The following PLXNC1 variants were observed in gnomAD, a reference collection of about 807,000 sequenced individuals.
PLXNC1 encodes plexin-C1.
In PLXNC1, 75 loss-of-function variants were observed where a neutral mutation model predicts 178.2. That is an observed-to-expected ratio of 0.42 (90% confidence interval 0.35 to 0.51). The LOEUF (loss-of-function observed/expected upper bound fraction) is 0.51, where lower values mean the gene tolerates loss of function less well. Among genes scored for constraint, PLXNC1 ranks in the 20% least tolerant of loss-of-function variants. PLXNC1 has a pLI of 0.02. For missense variants in PLXNC1, 1,503 were observed against 1,984.4 expected (o/e 0.76, Z 4.61); for synonymous variants, 790 against 779.9 (o/e 1.01, Z -0.22).
At chr12:94,209,029 C>T (rs907097163) in intron 4 of PLXNC1, among the ~76,000 whole-genome samples, 5 of 152,212 alleles carry the variant, frequency 3.3e-5, no homozygotes, top group Admixed American at 2.6e-4. Context: ...TGGTATGTAG[C>T]AGATGGTTAT....
chr12:94,231,324 A>G (rs1347559413), intron 9 of PLXNC1, among the ~76,000 whole-genome samples: 1 of 152,142 alleles, frequency 6.6e-6, no homozygotes, highest in Non-Finnish European at 1.5e-5. Context: ...ATTCCAGGAC[A>G]CACGCTAGAG....
At position 94,149,992 on chromosome 12, in the gene PLXNC1, A is replaced by G; in HGVS notation, c.1021A>G (p.Lys341Glu). 1 of 1,596,404 alleles carries G rather than the reference A, an allele frequency of 6.3e-7. No homozygotes were observed. Among genetic ancestry groups the G allele is most frequent in the Non-Finnish European group, 8.5e-7 (1 of 1,172,792 alleles). Residue 341 changes from lysine to glutamate, a missense_variant, in exon 1 of 31, where the codon AAG becomes GAG. Coordinates refer to ENST00000258526, the MANE Select transcript of PLXNC1 (RefSeq NM_005761.3). ...FRMSEIQARA[K>E]RVSWDFKTAE... is the part of the protein sequence containing the mutation. ...AATGAGTGAGATCCAGGCGCGCGCC[A>G]AGAGGGTCAGCTGGGACTTCAAGAC...
In PLXNC1 at chr12:94,186,370, T is replaced by A; in HGVS notation, c.1339-3T>A. On this transcript the variant is annotated splice_region_variant and splice_polypyrimidine_tract_variant and intron_variant, in intron 3 of 30. Coordinates refer to ENST00000258526, the MANE Select transcript of PLXNC1 (RefSeq NM_005761.3). ...TCTGAACCATTGTCCTCTTTCCTTT[T>A]AGGTGAGGAGAATTCGTGTTGCAAA... is the stretch of plus-strand genomic sequence containing the variant. 6.2e-7 allele frequency: 1 copy of A among 1,601,316 alleles called. No homozygotes were observed. The highest frequency in any genetic ancestry group is 8.6e-7 in the Non-Finnish European group (1 of 1,168,298).
At position 94,149,788 on chromosome 12, in the gene PLXNC1, GT is replaced by G; in HGVS notation, c.818del (p.Val273GlyfsTer27). The G allele has an allele frequency of 6.2e-7, 1 of 1,607,712 alleles. No individual in the cohort carries two copies. The highest frequency in any genetic ancestry group is 8.5e-7 in the Non-Finnish European group (1 of 1,178,804). On this transcript the variant is annotated frameshift_variant, in exon 1 of 31. Transcript: ENST00000258526. LOFTEE classifies it high-confidence loss of function. ...GGCGCGCATCGCGCAGAGCACCGAG[GT>G]GCTGTTCCAGGGCCAGGCATCCCTC... ...SMARIAQSTE[V>X]LFQGQASLDC... is the part of the protein sequence containing the mutation.
At chr12:94,220,270 C>A (rs955184041) in intron 6 of PLXNC1, 107 bp downstream of exon 6, 1 of 1,034,880 alleles carries the variant, frequency 9.7e-7, no homozygotes, top group South Asian at 1.5e-5. Flanking sequence ...TCTGTAGACT[C>A]ACTCCCTCAC....
At chr12:94,264,981 T>C in intron 20 of PLXNC1, 98 bp from the exon 21 acceptor site, 1 of 1,224,002 alleles carries the variant, frequency 8.2e-7, no homozygotes, top group South Asian at 1.5e-5. Flanking sequence ...TAGAAAACCC[T>C]GTCTCCTGCC....
At chr12:94,237,919 AG>A in intron 10 of PLXNC1, 116 bp downstream of exon 10, 1 of 942,190 alleles carries the variant, frequency 1.1e-6, no homozygotes, top group Non-Finnish European at 1.6e-6. Flanking sequence ...GCCCCAAAGC[AG>A]GCCAATTAGT....
intron 5 of PLXNC1, among the ~76,000 whole-genome samples, chr12:94,219,359 C>T (rs914159663): frequency 2.0e-5 from 3 of 152,106 alleles, no homozygotes; most frequent in African/African-American, 7.2e-5. Flanking sequence ...TAATAAATGG[C>T]TGTGACATAA....
chr12:94,169,107 G>T (rs779371215), intron 1 of PLXNC1, 46 bp from the exon 2 acceptor site: 1 of 1,540,006 alleles, frequency 6.5e-7, no homozygotes. Context: ...AACTATTGTT[G>T]TTAAAAATTA....
At chr12:94,292,506 C>T (rs1040211965) in intron 23 of PLXNC1, among the ~76,000 whole-genome samples, 1 of 152,110 alleles carries the variant, frequency 6.6e-6, no homozygotes, top group East Asian at 1.9e-4. Flanking sequence ...TGTGATTTTA[C>T]AAGCTTTTGA....
At chr12:94,268,922 T>A (rs1965414220) in intron 21 of PLXNC1, among the ~76,000 whole-genome samples, 2 of 152,104 alleles carry the variant, frequency 1.3e-5, no homozygotes, top group South Asian at 4.2e-4. Context: ...CTCTGCTGGG[T>A]TTTTTTCCCC....
intron 4 of PLXNC1, among the ~76,000 whole-genome samples, chr12:94,200,954 C>G (rs1216602056): frequency 6.6e-6 from 1 of 152,228 alleles, no homozygotes; most frequent in Non-Finnish European, 1.5e-5. Flanking sequence ...AATGAAATGA[C>G]TTCTGCTGGT....
intron 17 of PLXNC1, among the ~76,000 whole-genome samples, chr12:94,256,964 C>G (rs1286535736): frequency 2.0e-5 from 3 of 151,298 alleles, no homozygotes; most frequent in African/African-American, 7.3e-5. Context: ...TGAAAAACAA[C>G]TGGGAAAGTC....
intron 21 of PLXNC1, among the ~76,000 whole-genome samples, chr12:94,277,569 T>TG (rs1966068873): frequency 1.3e-5 from 2 of 152,112 alleles, no homozygotes. Flanking sequence ...TGGTTAGGGA[T>TG]GGGTTCAGAG....
chr12:94,219,885 A>G, intron 5 of PLXNC1, 131 bp from the exon 6 acceptor site: 1 of 554,088 alleles, frequency 1.8e-6, no homozygotes, highest in East Asian at 2.9e-5. Context: ...AGAAACATCT[A>G]TTCTTTACAT....
chr12:94,251,765 C>A (rs1451398554), intron 15 of PLXNC1, among the ~76,000 whole-genome samples: 1 of 152,136 alleles, frequency 6.6e-6, no homozygotes, highest in Non-Finnish European at 1.5e-5. Flanking sequence ...CTGAGGCGGG[C>A]GGATCGCCTT....
In PLXNC1 at chr12:94,260,703, A is replaced by C. The variant is rs1307000504; in HGVS notation, c.3313A>C (p.Ile1105Leu). 6.2e-7 allele frequency: 1 copy of C among 1,614,072 alleles called. No homozygotes were observed. The highest frequency in any genetic ancestry group is 1.1e-5 in the South Asian group (1 of 91,078). Residue 1105 changes from isoleucine to leucine, a missense_variant, in exon 20 of 31, where the codon ATC becomes CTC. Around this residue, in one of 4 missense-constraint regions of PLXNC1, gnomAD observed 639 missense variants for 979.7 expected, o/e 0.65. Coordinates refer to ENST00000258526, the MANE Select transcript of PLXNC1 (RefSeq NM_005761.3). The surrounding 1 kb of genome is among the most constrained non-coding windows in gnomAD (Gnocchi z 4.4). ...LQTKLVYLTS[I>L]LEVLTRDLME... ...AACCAAGCTGGTCTACCTGACCAGC[A>C]TCCTAGAGGTGCTGACCAGGGACTT...
In PLXNC1 at chr12:94,252,548, A is replaced by G. The variant is rs79580509; in HGVS notation, c.2881+1020A>G. ...GTTGCTCATTGGCCAAATCTGGTCC[A>G]CCAATATATTTTGTTTTGCCGTGTA... On this transcript the variant is annotated intron_variant, in intron 15 of 30. Coordinates refer to ENST00000258526, the MANE Select transcript of PLXNC1 (RefSeq NM_005761.3). Among the ~76,000 whole-genome samples, 106 of 152,368 alleles carry G rather than the reference A, an allele frequency of 7.0e-4. 1 individual carries two copies. The East Asian group carries it at 0.02, about 29-fold the overall frequency.
chr12:94,161,311 C>T lies in PLXNC1; in HGVS notation c.1063-7842C>T, dbSNP rs563171707. 2.6e-5 allele frequency among the ~76,000 whole-genome samples: 4 copies of T among 152,286 alleles called. No homozygotes were observed. The East Asian group carries it at 7.7e-4, about 29-fold the overall frequency. The stretch of plus-strand genomic sequence containing the variant: ...TTTTACAGATCAAGTACTTGGTCAA[C>T]AGCAAGTGCTCCATAAATAATAGGT... On this transcript the variant is annotated intron_variant, in intron 1 of 30. Transcript: ENST00000258526.
Sources: allele counts gnomAD v4.1 joint callset (sites outside exome capture counted in the v4.1 genomes callset), GRCh38; gene constraint gnomAD v4.1.1; regional missense constraint gnomAD v4.1.1; non-coding constraint Gnocchi (gnomAD v3.1); transcripts MANE v1.5; gene names NCBI Gene and HGNC (gene_info 2026-07-23, HGNC 2026-07-21).